The following GET1 variants were observed in gnomAD, a reference collection of about 807,000 sequenced individuals.
GET1 encodes the protein guided entry of tail-anchored proteins factor 1, also known as congenital heart disease 5 protein.
GET1 carries 20 observed loss-of-function variants against 22.6 expected under a neutral mutation model. That is an observed-to-expected ratio of 0.89 (90% CI 0.62 to 1.29). GET1 has a LOEUF of 1.29. Ranked by LOEUF, GET1 falls within the 50% of genes most tolerant of loss-of-function variation. GET1 has a pLI of 0.00. For synonymous variants in GET1, 92 were observed against 83.8 expected, an observed-to-expected ratio of 1.10 and a Z score of -0.53; for missense variants, 209 against 219.9, an observed-to-expected ratio of 0.95 and a Z score of 0.31.
downstream of GET1, among the ~76,000 whole-genome samples, chr21:39,399,186 A>G (rs2038777268): frequency 6.6e-6 from 1 of 152,252 alleles, no homozygotes. Context: ...TGCCAGTGAT[A>G]TTCCATGCAT....
At chr21:39,412,971 C>T (rs1055606471) in intron 1 of GET1, among the ~76,000 whole-genome samples, 1 of 152,146 alleles carries the variant, frequency 6.6e-6, no homozygotes, top group Non-Finnish European at 1.5e-5. Flanking sequence ...CCAGGTGCTC[C>T]CATAGCACAG....
intron 4 of GET1, chr21:39,405,764 A>G (rs1445271632): frequency 6.6e-5 from 46 of 698,898 alleles, no homozygotes. Context: ...TCGAAAGTCA[A>G]TTAAGTACTA....
chr21:39,390,643 A>G, intron 1 of GET1, 55 bp from the exon 2 acceptor site: 2 of 1,598,666 alleles, frequency 1.3e-6, no homozygotes, highest in Non-Finnish European at 1.7e-6. Flanking sequence ...GGGACTGGGG[A>G]ACCCTCCTGT....
At chr21:39,405,247 G>C (rs1429748927) in intron 4 of GET1, among the ~76,000 whole-genome samples, 3 of 152,118 alleles carry the variant, frequency 2.0e-5, no homozygotes, top group Non-Finnish European at 2.9e-5. Flanking sequence ...GCCCAAGCTA[G>C]AGTGCAGTGG....
At position 39,388,330 on chromosome 21, in the gene GET1, G is replaced by C. The variant is rs145313641; in HGVS notation, c.103-2368G>C. 5.6e-3 allele frequency among the ~76,000 whole-genome samples: 851 copies of C among 152,260 alleles called. 16 individuals carry two copies. Among genetic ancestry groups the C allele is most frequent in the Non-Finnish European group, 3.4e-3 (231 of 68,020 alleles). On this transcript the variant is annotated intron_variant, in intron 1 of 4. Coordinates refer to ENST00000649170, the MANE Select transcript of GET1 (RefSeq NM_004627.6). ...TTGCAGTGAGCCGAGATCTAATGCA[G>C]GCGTCAAGTACGTTACCACGATCTG... is the stretch of plus-strand genomic sequence containing the variant.
rs74533281 is a variant in GET1 at position 39,397,016 on chromosome 21, T to C, written c.*77T>C. On this transcript the variant is annotated 3_prime_UTR_variant, in exon 5 of 5. Transcript: ENST00000649170. ...GCTTAAAATCTGATTTACACTGTTT[T>C]GTTTTTTAAGAAACAAAAGTGCATA... The C allele has an allele frequency of 7.2e-3, 11,025 of 1,528,332 alleles. 50 individuals carry two copies. Among genetic ancestry groups the C allele is most frequent in the Non-Finnish European group, 8.3e-3 (9,208 of 1,113,844 alleles). The allele number at this position is 1,528,332 out of a possible 1,614,324, so 94.7% of individuals were successfully genotyped here. A position where few individuals can be genotyped will look rare whatever the true frequency, so the allele number is the denominator to read the frequency against.
chr21:39,387,691 TCCC>T, intron 1 of GET1: 3 of 109,114 alleles, frequency 2.7e-5, no homozygotes, highest in Non-Finnish European at 4.6e-5. Flanking sequence ...CTCCCCACAC[TCCC>T]CCCCCCCACT....
intron 1 of GET1, among the ~76,000 whole-genome samples, chr21:39,424,634 G>A (rs2074331812): frequency 6.6e-6 from 1 of 152,186 alleles, no homozygotes; most frequent in African/African-American, 2.4e-5. Context: ...AGAATCCAAT[G>A]TAAAGAACTT....
At position 39,391,813 on chromosome 21, in the gene GET1, A is replaced by G. The variant is rs760155447; in HGVS notation, c.313A>G (p.Ser105Gly). The G allele has an allele frequency of 2.5e-6, 4 of 1,614,174 alleles. No homozygotes were observed. The highest frequency in any genetic ancestry group is 2.5e-6 in the Non-Finnish European group (3 of 1,180,020). ...AQLAKIKWVISVAFYVLQAAL... is the reference protein window; with the variant it reads ...AQLAKIKWVIGVAFYVLQAAL... ...ATTAGCCAAGATAAAATGGGTGATA[A>G]GTGTCGCTTTCTACGTATTGCAGGT... Residue 105 changes from serine (S) to glycine (G), a missense_variant, in exon 3 of 5, where the codon AGT becomes GGT. Transcript: ENST00000649170.
chr21:39,410,001 C>T (rs752534613), downstream of GET1: 2 of 1,568,234 alleles, frequency 1.3e-6, no homozygotes, highest in Non-Finnish European at 1.8e-6. Context: ...TCTTAGAATC[C>T]TCTTGCTTTG....
chr21:39,411,897 T>C (rs991330501), intron 1 of GET1: 24 of 663,580 alleles, frequency 3.6e-5, no homozygotes, highest in Non-Finnish European at 5.3e-5. Flanking sequence ...CAGTATCCTA[T>C]GAATAAAATC....
At chr21:39,409,318 A>G (rs1335166837), downstream of GET1, among the ~76,000 whole-genome samples, 1 of 152,102 alleles carries the variant, frequency 6.6e-6, no homozygotes, top group Non-Finnish European at 1.5e-5. This position sits in a 1 kb window ranked among gnomAD's most constrained non-coding sequence, Gnocchi z 4.2. Context: ...ATGAGAAAAT[A>G]AATAAGTGTT....
intron 1 of GET1, among the ~76,000 whole-genome samples, chr21:39,426,807 G>A (rs1430691069): frequency 1.3e-5 from 2 of 152,240 alleles, no homozygotes; most frequent in African/African-American, 4.8e-5. Context: ...AGGCATGAGA[G>A]AAGTACTGGA....
At chr21:39,420,919 T>A in intron 1 of GET1, 3 of 1,135,158 alleles carry the variant, frequency 2.6e-6, no homozygotes, top group Non-Finnish European at 3.9e-6. Flanking sequence ...TGGAACTAAC[T>A]ACATTTATGA....
intron 1 of GET1, among the ~76,000 whole-genome samples, chr21:39,426,752 T>C (rs1166577299): frequency 6.6e-6 from 1 of 152,238 alleles, no homozygotes; most frequent in East Asian, 1.9e-4. Context: ...TAAGGAATTG[T>C]GTGTTTGTAG....
intron 1 of GET1, chr21:39,422,509 G>T (rs759204870): frequency 5.9e-6 from 1 of 170,860 alleles, no homozygotes; most frequent in Non-Finnish European, 1.2e-5. Context: ...TGTCTGTGTG[G>T]TAATTCCTGG....
At chr21:39,407,603 G>A (rs1228986811), downstream of GET1, among the ~76,000 whole-genome samples, 3 of 152,170 alleles carry the variant, frequency 2.0e-5, no homozygotes, top group Non-Finnish European at 4.4e-5. Flanking sequence ...TGGAATTCCA[G>A]GCAGTTATTA....
chr21:39,384,891 A>T (rs2037787038), intron 1 of GET1, among the ~76,000 whole-genome samples: 1 of 152,080 alleles, frequency 6.6e-6, no homozygotes, highest in African/African-American at 2.4e-5. Context: ...GATTGTTAAC[A>T]CTTGTTGTTA....
chr21:39,398,815 G>T (rs945796389), downstream of GET1, among the ~76,000 whole-genome samples: 1 of 150,710 alleles, frequency 6.6e-6, no homozygotes, highest in Non-Finnish European at 1.5e-5. Flanking sequence ...GATTTGGCCA[G>T]GTTGGTCTTG....
Sources: allele counts gnomAD v4.1 joint callset (sites outside exome capture counted in the v4.1 genomes callset), GRCh38; gene constraint gnomAD v4.1.1; non-coding constraint Gnocchi (gnomAD v3.1); transcripts MANE v1.5; gene names NCBI Gene and HGNC (gene_info 2026-07-23, HGNC 2026-07-21).